The following RORA variants were observed in gnomAD, a reference collection of about 807,000 sequenced individuals.
RORA encodes nuclear receptor ROR-alpha.
Under a neutral mutation model 69.5 loss-of-function variants are expected in RORA, and 7 were observed. The ratio of observed to expected loss-of-function variants is 0.10; its 90% CI spans 0.06 to 0.19. The LOEUF is 0.19. Ranked by LOEUF, RORA falls within the 10% of genes least tolerant of loss-of-function variation. The pLI, the probability that RORA is intolerant of heterozygous loss-of-function variation, is 1.00. For synonymous variants in RORA, 261 were observed against 240.8 expected (o/e 1.08, Z -0.78); for missense variants, 457 against 663.0 (o/e 0.69, Z 3.41).
chr15:60,535,142 C>T (rs2066637097), intron 2 of RORA, among the ~76,000 whole-genome samples: 1 of 152,248 alleles, frequency 6.6e-6, no homozygotes, highest in East Asian at 1.9e-4. Flanking sequence ...ATACTGCACA[C>T]ATTAACTCAG....
chr15:60,632,760 A>G (rs2069766031), intron 2 of RORA, among the ~76,000 whole-genome samples: 1 of 152,122 alleles, frequency 6.6e-6, no homozygotes, highest in African/African-American at 2.4e-5. Flanking sequence ...GGGATTTGCT[A>G]CTTTGAGCTA....
At chr15:60,882,044 C>T (rs1001840744) in intron 1 of RORA, among the ~76,000 whole-genome samples, 57 of 152,292 alleles carry the variant, frequency 3.7e-4, no homozygotes, top group African/African-American at 1.3e-3. Flanking sequence ...GAACTGTCCC[C>T]AGTATGCTGC....
intron 1 of RORA, among the ~76,000 whole-genome samples, chr15:60,775,949 A>G (rs1042786410): frequency 3.3e-5 from 5 of 152,172 alleles, no homozygotes; most frequent in Non-Finnish European, 7.4e-5. Context: ...CTTTGACTCC[A>G]TCTCCTCCAT....
chr15:61,171,077 T>G (rs1361352814), intron 1 of RORA, among the ~76,000 whole-genome samples: 1 of 152,204 alleles, frequency 6.6e-6, no homozygotes, highest in Admixed American at 6.5e-5. Flanking sequence ...ATTGTCTGAT[T>G]TAAGCCCGCC....
intron 1 of RORA, among the ~76,000 whole-genome samples, chr15:60,898,982 C>T (rs548035198): frequency 5.5e-4 from 83 of 152,106 alleles, no homozygotes; most frequent in African/African-American, 2.0e-3. Context: ...CCAGAAAGCA[C>T]CCAGCAAGTT....
At chr15:60,617,134 T>C (rs1281115654) in intron 2 of RORA, among the ~76,000 whole-genome samples, 1 of 152,200 alleles carries the variant, frequency 6.6e-6, no homozygotes, top group Non-Finnish European at 1.5e-5. Flanking sequence ...TGATATGTAT[T>C]CTTTACTAGT....
At chr15:60,514,587 A>C (rs1356628196) in intron 4 of RORA, 29 bp downstream of exon 4, 2 of 1,611,796 alleles carry the variant, frequency 1.2e-6, no homozygotes, top group East Asian at 4.5e-5. Context: ...ACCCCGTGCA[A>C]CTGTACAACT....
chr15:60,742,052 A>G (rs911317692), intron 1 of RORA, among the ~76,000 whole-genome samples: 1 of 152,194 alleles, frequency 6.6e-6, no homozygotes, highest in Non-Finnish European at 1.5e-5. Flanking sequence ...TAGATTGATT[A>G]GAGAGAAATG....
chr15:60,945,287 G>A (rs180982129), intron 1 of RORA, among the ~76,000 whole-genome samples: 14 of 152,184 alleles, frequency 9.2e-5, no homozygotes, highest in African/African-American at 3.4e-4. Context: ...GGTTCCTGTT[G>A]GCACGAGCTG....
At chr15:61,066,729 G>T (rs2078265309) in intron 1 of RORA, among the ~76,000 whole-genome samples, 1 of 151,726 alleles carries the variant, frequency 6.6e-6, no homozygotes, top group Admixed American at 6.6e-5. Flanking sequence ...TGCCCCGCTG[G>T]CATGTTCCTT....
intron 2 of RORA, among the ~76,000 whole-genome samples, chr15:60,637,587 G>A (rs936996699): frequency 7.9e-5 from 12 of 151,752 alleles, no homozygotes; most frequent in Admixed American, 7.2e-4. Context: ...ATTTATCTAG[G>A]ATTTGTTATA....
intron 1 of RORA, among the ~76,000 whole-genome samples, chr15:61,009,142 C>G (rs944271459): frequency 6.6e-6 from 1 of 152,218 alleles, no homozygotes; most frequent in Non-Finnish European, 1.5e-5. Flanking sequence ...TGAGTATTAA[C>G]AGCTCTTCAA....
chr15:60,900,724 T>G (rs1891364951), intron 1 of RORA, among the ~76,000 whole-genome samples: 1 of 151,894 alleles, frequency 6.6e-6, no homozygotes, highest in African/African-American at 2.4e-5. Context: ...ATACAAAAAT[T>G]AGCTGGGAGT....
At chr15:61,052,684 T>C (rs1423153150) in intron 1 of RORA, among the ~76,000 whole-genome samples, 1 of 152,238 alleles carries the variant, frequency 6.6e-6, no homozygotes, top group Non-Finnish European at 1.5e-5. Context: ...GTTGGTTCCC[T>C]CACTGACTGT....
At chr15:60,979,051 T>C (rs1209979182) in intron 1 of RORA, among the ~76,000 whole-genome samples, 1 of 139,716 alleles carries the variant, frequency 7.2e-6, no homozygotes, top group Non-Finnish European at 1.5e-5. Flanking sequence ...AAGCTCTGCC[T>C]CCCAGGTTCA....
At chr15:60,962,268 T>G (rs757152689) in intron 1 of RORA, among the ~76,000 whole-genome samples, 1 of 152,370 alleles carries the variant, frequency 6.6e-6, no homozygotes, top group Admixed American at 6.5e-5. Context: ...AGCGTAAGCC[T>G]GGCTCTTCAG....
chr15:60,937,683 C>A (rs902539060), intron 1 of RORA, among the ~76,000 whole-genome samples: 4 of 152,116 alleles, frequency 2.6e-5, no homozygotes, highest in Non-Finnish European at 5.9e-5. Context: ...GGAGGGAGTT[C>A]TGAACCAGAA....
intron 1 of RORA, among the ~76,000 whole-genome samples, chr15:61,046,867 G>A (rs1215046548): frequency 1.3e-5 from 2 of 152,150 alleles, no homozygotes; most frequent in East Asian, 3.9e-4. Flanking sequence ...GAAAAACGAG[G>A]ACTCTTGGAG....
At chr15:60,940,193 T>C (rs1566917439) in intron 1 of RORA, among the ~76,000 whole-genome samples, 2 of 152,106 alleles carry the variant, frequency 1.3e-5, no homozygotes, top group African/African-American at 4.8e-5. Context: ...CAAGATTAGA[T>C]CACTGAAAGA....
Sources: gnomAD v4.1 joint callset for allele counts (sites outside exome capture counted in the v4.1 genomes callset) on GRCh38, gnomAD v4.1.1 for gene constraint, MANE v1.5 for transcripts, NCBI Gene and HGNC (gene_info 2026-07-23, HGNC 2026-07-21) for gene names.